The following MTUS2 variants were observed in gnomAD, a reference collection of about 807,000 sequenced individuals.
The protein encoded by MTUS2 is microtubule associated scaffold protein 2, also known as microtubule-associated tumor suppressor candidate 2.
Under a neutral mutation model 114.1 loss-of-function variants are expected in MTUS2, and 40 were observed. The observed-to-expected ratio is 0.35, with a 90% CI of 0.27 to 0.46. The LOEUF is 0.46. Ranked by LOEUF, MTUS2 falls within the 20% of genes least tolerant of loss-of-function variation. The pLI is 1.00. For synonymous variants in MTUS2, 688 were observed against 672.0 expected (o/e 1.02, Z -0.37); for missense variants, 1,679 against 1,705.4 (o/e 0.98, Z 0.27).
chr13:29,216,693 C>G (rs1024221700), intron 5 of MTUS2, among the ~76,000 whole-genome samples: 1 of 152,220 alleles, frequency 6.6e-6, no homozygotes, highest in African/African-American at 2.4e-5. Context: ...GCTACACTGA[C>G]TGTCTAACCA....
At chr13:29,318,587 T>A (rs1471555890) in intron 6 of MTUS2, among the ~76,000 whole-genome samples, 1 of 152,166 alleles carries the variant, frequency 6.6e-6, no homozygotes, top group Non-Finnish European at 1.5e-5. Flanking sequence ...GGCCCACAAG[T>A]CATGTTTTCA....
chr13:28,982,969 A>G (rs1884425311), intron 2 of MTUS2, among the ~76,000 whole-genome samples: 1 of 152,212 alleles, frequency 6.6e-6, no homozygotes, highest in South Asian at 2.1e-4. Flanking sequence ...TGGTTGCAGA[A>G]CAATGTACTT....
chr13:29,208,115 G>C (rs1023782219), intron 5 of MTUS2, among the ~76,000 whole-genome samples: 55 of 151,850 alleles, frequency 3.6e-4, no homozygotes, highest in African/African-American at 1.3e-3. Context: ...CTTATTACTG[G>C]TCTTTTTGGA....
chr13:28,884,773 A>G (rs779229484), intron 2 of MTUS2, among the ~76,000 whole-genome samples: 1 of 152,198 alleles, frequency 6.6e-6, no homozygotes. Flanking sequence ...ACCTTGCTGC[A>G]TTTTTTGTTA....
intron 5 of MTUS2, among the ~76,000 whole-genome samples, chr13:29,124,480 G>A (rs535007252): frequency 3.9e-5 from 6 of 152,068 alleles, no homozygotes; most frequent in African/African-American, 9.7e-5. Context: ...ATGCATTGCC[G>A]ATTGGACTAG....
chr13:29,203,653 T>C (rs1028847728), intron 5 of MTUS2, among the ~76,000 whole-genome samples: 5 of 151,444 alleles, frequency 3.3e-5, no homozygotes, highest in Non-Finnish European at 7.4e-5. Flanking sequence ...CCTGGTGGCA[T>C]AGGCACCCAA....
chr13:28,820,245 C>T (rs1873791192), upstream of MTUS2: 1 of 146,528 alleles, frequency 6.8e-6, no homozygotes, highest in African/African-American at 2.5e-5. Flanking sequence ...GCGCCCCGGC[C>T]CTCGAGCGGG....
At chr13:29,332,941 A>C (rs1900866634) in intron 7 of MTUS2, among the ~76,000 whole-genome samples, 1 of 151,284 alleles carries the variant, frequency 6.6e-6, no homozygotes, top group Non-Finnish European at 1.5e-5. Flanking sequence ...GGCCTTCTCT[A>C]GTTCTTTTAA....
rs916502995 is a variant in MTUS2, at chr13:29,271,885, T to C, written c.2645-9819T>C. Among the ~76,000 whole-genome samples the C allele has an allele frequency of 3.5e-4, 54 of 152,354 alleles. 1 individual carries two copies. The highest frequency in any genetic ancestry group is 1.2e-4 in the Non-Finnish European group (8 of 68,024). On this transcript the variant is annotated intron_variant, in intron 5 of 15. Coordinates refer to ENST00000612955, the MANE Select transcript of MTUS2 (RefSeq NM_001033602.4). ...TGGATAGATGATGTAAGGATTTATA[T>C]AAGCACCAAAGCTTGCTGTGAGGGT...
intron 7 of MTUS2, among the ~76,000 whole-genome samples, chr13:29,333,492 C>T (rs532419794): frequency 1.4e-4 from 22 of 152,252 alleles, no homozygotes; most frequent in East Asian, 5.8e-4. Context: ...CCACCGCAGC[C>T]GGCCTTGAGT....
At chr13:29,233,742 A>G (rs1232009038) in intron 5 of MTUS2, among the ~76,000 whole-genome samples, 1 of 152,230 alleles carries the variant, frequency 6.6e-6, no homozygotes, top group Non-Finnish European at 1.5e-5. Context: ...GGAGAGGTAA[A>G]TCTAACATAT....
chr13:29,359,565 G>A, intron 8 of MTUS2, 92 bp downstream of exon 8: 1 of 1,412,988 alleles, frequency 7.1e-7, no homozygotes, highest in Non-Finnish European at 9.6e-7. Flanking sequence ...GCTGTTTTGG[G>A]TTTGAGTTTT....
At chr13:28,847,537 C>T (rs1361077984) in intron 2 of MTUS2, among the ~76,000 whole-genome samples, 1 of 152,196 alleles carries the variant, frequency 6.6e-6, no homozygotes, top group Non-Finnish European at 1.5e-5. Context: ...CCTTGCCTAT[C>T]AATTTCCGCT....
chr13:29,047,949 TATA>T (rs10591135), intron 4 of MTUS2, among the ~76,000 whole-genome samples: 147,770 of 152,242 alleles, frequency 0.97, 71,737 homozygotes, highest in Non-Finnish European at 0.98. Context: ...TTTCACTTAG[TATA>T]ATGTTTTTAA....
At chr13:28,925,586 G>A (rs1232832330) in intron 2 of MTUS2, among the ~76,000 whole-genome samples, 1 of 152,178 alleles carries the variant, frequency 6.6e-6, no homozygotes, top group African/African-American at 2.4e-5. Context: ...GGTCACATTG[G>A]TGAGAGAAAC....
At chr13:29,289,629 A>AT (rs1169718706) in intron 6 of MTUS2, among the ~76,000 whole-genome samples, 82 of 149,878 alleles carry the variant, frequency 5.5e-4, no homozygotes, top group Admixed American at 1.6e-3. Flanking sequence ...CACCCGGGTA[A>AT]TTTTTTTTTT....
At chr13:29,060,543 C>CTTTTTTTTTTTT in intron 4 of MTUS2, among the ~76,000 whole-genome samples, 1 of 101,206 alleles carries the variant, frequency 9.9e-6, no homozygotes, top group African/African-American at 3.7e-5. Context: ...CCTAGCCCTT[C>CTTTTTTTTTTTT]TTTTTTTTTT....
rs138469219 is a variant in MTUS2 at position 29,071,374 on chromosome 13, A to G, written c.2447-29399A>G. On this transcript the variant is annotated intron_variant, in intron 4 of 15. Transcript: ENST00000612955. ...CTTCCCAAATTTCTCTGAGGATACT[A>G]ATTAGATTTTTTAAAAGATCTCTAT... 6.4e-5 allele frequency among the ~76,000 whole-genome samples: 9 copies of G among 140,922 alleles called. No homozygotes were observed. In the East Asian group the frequency reaches 1.9e-3, roughly 30 times the overall value. 92.5% of individuals were successfully genotyped at this position (140,922 alleles called of 152,430 possible).
rs146705463 is a variant in MTUS2 at position 29,328,080 on chromosome 13, GGTT to G, written c.2905+3373_2905+3375del. Among the ~76,000 whole-genome samples the G allele has an allele frequency of 4.7e-3, 709 of 151,818 alleles. 6 individuals carry two copies. Among genetic ancestry groups the G allele is most frequent in the African/African-American group, 0.016 (658 of 41,384 alleles). ...AAATATTTTTCCATTTTTTAAATTG[GGTT>G]GTTTTCTTATTGAATTTTGAGAGTT... On this transcript the variant is annotated intron_variant, in intron 7 of 15. Coordinates refer to ENST00000612955, the MANE Select transcript of MTUS2 (RefSeq NM_001033602.4).
Sources: gnomAD v4.1 joint callset for allele counts (sites outside exome capture counted in the v4.1 genomes callset) on GRCh38, gnomAD v4.1.1 for gene constraint, MANE v1.5 for transcripts, NCBI Gene and HGNC (gene_info 2026-07-23, HGNC 2026-07-21) for gene names.